The following SLCO1B1 variants were observed in gnomAD, a reference collection of about 807,000 sequenced individuals.
The protein encoded by SLCO1B1 is OATP-2.
SLCO1B1 carries 81 observed loss-of-function variants against 70.1 expected under a neutral mutation model. The observed-to-expected ratio is 1.16, with a 90% CI of 0.97 to 1.39. SLCO1B1 has a LOEUF of 1.39. Ranked by LOEUF, SLCO1B1 falls within the 40% of genes most tolerant of loss-of-function variation. SLCO1B1 has a pLI of 0.00. For missense variants in SLCO1B1, 895 were observed against 799.6 expected, an observed-to-expected ratio of 1.12 and a Z score of -1.44; for synonymous variants, 283 against 271.5, an observed-to-expected ratio of 1.04 and a Z score of -0.42.
intron 14 of SLCO1B1, among the ~76,000 whole-genome samples, chr12:21,230,301 A>T (rs1325799967): frequency 2.0e-5 from 3 of 147,592 alleles, no homozygotes; most frequent in African/African-American, 7.4e-5. Flanking sequence ...TATGTTCATG[A>T]GAGAAGTTGC....
intron 11 of SLCO1B1, among the ~76,000 whole-genome samples, chr12:21,213,006 G>A (rs1450006321): frequency 3.3e-5 from 5 of 151,616 alleles, no homozygotes; most frequent in Non-Finnish European, 5.9e-5. Context: ...GATGGGTCTT[G>A]ACTCTTTATC....
chr12:21,199,149 G>C (rs1274720446), intron 8 of SLCO1B1, among the ~76,000 whole-genome samples: 1 of 151,838 alleles, frequency 6.6e-6, no homozygotes, highest in Non-Finnish European at 1.5e-5. Flanking sequence ...AGATGCAACT[G>C]TTTCGTAGCT....
chr12:21,144,183 AT>A (rs1481032261), intron 2 of SLCO1B1, among the ~76,000 whole-genome samples: 2 of 152,170 alleles, frequency 1.3e-5, no homozygotes, highest in Non-Finnish European at 2.9e-5. Context: ...CAGGAAAACA[AT>A]TCAAGAGTTT....
At chr12:21,174,833 T>C (rs1168586391) in intron 4 of SLCO1B1, 124 bp downstream of exon 4, 1 of 890,748 alleles carries the variant, frequency 1.1e-6, no homozygotes, top group Non-Finnish European at 1.7e-6. Flanking sequence ...ACTAAGTGTG[T>C]ACAGAAATGA....
chr12:21,192,516 T>C (rs189176043), intron 7 of SLCO1B1, among the ~76,000 whole-genome samples: 3 of 152,048 alleles, frequency 2.0e-5, no homozygotes, highest in Admixed American at 2.0e-4. Flanking sequence ...ATTTTGCCTC[T>C]CTTTCAAAAA....
intron 12 of SLCO1B1, among the ~76,000 whole-genome samples, chr12:21,219,347 G>A (rs903331094): frequency 1.3e-5 from 2 of 152,176 alleles, no homozygotes; most frequent in Non-Finnish European, 2.9e-5. Context: ...AACAATCCAG[G>A]CAAGGTAGAA....
chr12:21,234,214 G>A (rs1213325373), intron 14 of SLCO1B1, among the ~76,000 whole-genome samples: 1 of 152,172 alleles, frequency 6.6e-6, no homozygotes, highest in South Asian at 2.1e-4. Flanking sequence ...CTCTCGTGCT[G>A]AGTCACTTCC....
intron 7 of SLCO1B1, among the ~76,000 whole-genome samples, chr12:21,194,534 T>A (rs1002368258): frequency 1.3e-5 from 2 of 152,186 alleles, no homozygotes; most frequent in African/African-American, 4.8e-5. Flanking sequence ...CAGCATGAAC[T>A]TCATTGTCCA....
chr12:21,171,045 A>T (rs1940750563), intron 2 of SLCO1B1, among the ~76,000 whole-genome samples: 1 of 152,258 alleles, frequency 6.6e-6, no homozygotes, highest in Admixed American at 6.5e-5. Flanking sequence ...GATGGGGCTA[A>T]TATTCTGCTG....
At chr12:21,223,402 G>A (rs537048596) in intron 13 of SLCO1B1, among the ~76,000 whole-genome samples, 1 of 152,240 alleles carries the variant, frequency 6.6e-6, no homozygotes, top group Non-Finnish European at 1.5e-5. Context: ...TAGGTTATGA[G>A]TTTTAAAATT....
intron 11 of SLCO1B1, among the ~76,000 whole-genome samples, chr12:21,210,934 T>G (rs1941276079): frequency 6.6e-6 from 1 of 152,146 alleles, no homozygotes; most frequent in African/African-American, 2.4e-5. Context: ...TTGCTGAAGT[T>G]GCTTATCAGT....
intron 14 of SLCO1B1, among the ~76,000 whole-genome samples, chr12:21,238,684 T>C (rs1488964653): frequency 1.3e-5 from 2 of 152,090 alleles, no homozygotes; most frequent in Non-Finnish European, 2.9e-5. Flanking sequence ...ACTTCTCAGT[T>C]TCTCCTCCCA....
intron 7 of SLCO1B1, among the ~76,000 whole-genome samples, chr12:21,187,395 G>A (rs1008058455): frequency 6.6e-6 from 1 of 152,046 alleles, no homozygotes; most frequent in South Asian, 2.1e-4. Flanking sequence ...GACAGTAAGG[G>A]ACTGCCTTTA....
intron 1 of SLCO1B1, among the ~76,000 whole-genome samples, chr12:21,138,959 G>C (rs946149929): frequency 2.0e-5 from 3 of 152,094 alleles, no homozygotes; most frequent in Non-Finnish European, 4.4e-5. Flanking sequence ...TGTCGTTAAA[G>C]GGATCTTTGA....
chr12:21,137,489 G>T (rs1318794565), intron 1 of SLCO1B1, among the ~76,000 whole-genome samples: 1 of 152,208 alleles, frequency 6.6e-6, no homozygotes, highest in Admixed American at 6.5e-5. Context: ...CCCAGTTCGA[G>T]CTTCCCAGCC....
intron 7 of SLCO1B1, among the ~76,000 whole-genome samples, chr12:21,190,372 C>T (rs918729906): frequency 1.8e-4 from 28 of 152,168 alleles, no homozygotes; most frequent in Admixed American, 1.8e-3. Context: ...CTTTGGCAGT[C>T]CCCTAGCCAC....
intron 4 of SLCO1B1, among the ~76,000 whole-genome samples, chr12:21,175,903 C>G (rs1437224520): frequency 1.3e-5 from 2 of 152,120 alleles, no homozygotes; most frequent in African/African-American, 2.4e-5. Context: ...CAATCTAGAT[C>G]AGCATTGCTC....
At chr12:21,214,824 T>C (rs554960986) in intron 11 of SLCO1B1, among the ~76,000 whole-genome samples, 1 of 152,210 alleles carries the variant, frequency 6.6e-6, no homozygotes, top group African/African-American at 2.4e-5. Context: ...TGACCCGATT[T>C]TCCAGGTGCT....
At chr12:21,135,993 T>G (rs1224831348) in intron 1 of SLCO1B1, among the ~76,000 whole-genome samples, 2 of 151,982 alleles carry the variant, frequency 1.3e-5, no homozygotes, top group Non-Finnish European at 2.9e-5. Flanking sequence ...TTTCCATGTT[T>G]AGTGCTTCCT....
Sources: gnomAD v4.1 joint callset for allele counts (sites outside exome capture counted in the v4.1 genomes callset) on GRCh38, gnomAD v4.1.1 for gene constraint, MANE v1.5 for transcripts, NCBI Gene and HGNC (gene_info 2026-07-23, HGNC 2026-07-21) for gene names.